Variants in SWAP70 observed in about 807,000 individuals in gnomAD.
SWAP70 encodes switching B cell complex subunit SWAP70, also known as switch-associated protein 70.
SWAP70 carries 34 observed loss-of-function variants against 80.2 expected under a neutral mutation model. That is an observed-to-expected ratio of 0.42 (90% CI 0.32 to 0.56). The LOEUF is 0.56. Ranked by LOEUF, SWAP70 falls within the 20% of genes least tolerant of loss-of-function variation. The pLI is 0.09. For missense variants in SWAP70, 578 were observed against 690.7 expected, an observed-to-expected ratio of 0.84 and a Z score of 1.83; for synonymous variants, 239 against 238.5, an observed-to-expected ratio of 1.00 and a Z score of -0.02.
chr11:9,723,930 C>T (rs1851173600), intron 3 of SWAP70, among the ~76,000 whole-genome samples: 1 of 152,104 alleles, frequency 6.6e-6, no homozygotes, highest in African/African-American at 2.4e-5. Flanking sequence ...GCGCCACATG[C>T]CTGGCTAACT....
At chr11:9,676,386 T>C (rs921130430) in intron 1 of SWAP70, among the ~76,000 whole-genome samples, 4 of 152,204 alleles carry the variant, frequency 2.6e-5, no homozygotes, top group Non-Finnish European at 5.9e-5. Context: ...CTTTTGTTTG[T>C]ACAGTTTGTC....
rs116211882 is a variant in SWAP70, at chr11:9,732,887, T to C, written c.1080+177T>C. Among the ~76,000 whole-genome samples the C allele has an allele frequency of 1.6e-3, 249 of 152,338 alleles. 2 individuals carry two copies. The highest frequency in any genetic ancestry group is 5.6e-3 in the African/African-American group (231 of 41,580). ...ATCAAGTGAGACATACTGGTTTTCC[T>C]AGCCCTGAAACTATGTTGATCTCGG... is the stretch of plus-strand genomic sequence containing the variant. On this transcript the variant is annotated intron_variant, in intron 7 of 11. Transcript: ENST00000318950.
In SWAP70 at chr11:9,748,060, A is replaced by G. The variant is rs745805660; in HGVS notation, c.1554+4A>G. 2.5e-6 allele frequency: 4 copies of G among 1,613,386 alleles called. No homozygotes were observed. The highest frequency in any genetic ancestry group is 1.1e-5 in the South Asian group (1 of 91,028). Reference sequence around the variant, plus strand: ...GCAAGCACTTGAGCAGTACGAGGTAATGAGACTTGGCCCTGCAAACTTGTA... The same window carrying G: ...GCAAGCACTTGAGCAGTACGAGGTAGTGAGACTTGGCCCTGCAAACTTGTA... On this transcript the variant is annotated splice_donor_region_variant and intron_variant, in intron 10 of 11. Coordinates refer to ENST00000318950, the MANE Select transcript of SWAP70 (RefSeq NM_015055.4).
intron 1 of SWAP70, among the ~76,000 whole-genome samples, chr11:9,667,369 A>G (rs1391888477): frequency 1.3e-5 from 2 of 151,164 alleles, no homozygotes; most frequent in Admixed American, 1.3e-4. Context: ...TCCAGCCTCC[A>G]CCTCCCAAGT....
chr11:9,668,974 ACTCT>A (rs936976039), intron 1 of SWAP70, among the ~76,000 whole-genome samples: 16 of 152,132 alleles, frequency 1.1e-4, no homozygotes, highest in South Asian at 4.2e-4. Context: ...AAGAAGGCAC[ACTCT>A]CTCTCTCCAG....
At chr11:9,729,133 A>AT (rs1208462618) in intron 5 of SWAP70, among the ~76,000 whole-genome samples, 2 of 152,220 alleles carry the variant, frequency 1.3e-5, no homozygotes, top group Non-Finnish European at 2.9e-5. Flanking sequence ...TCAGGTGTTT[A>AT]TAGTTTTACC....
Position 9,676,857 on chromosome 11 carries a change from G to A in SWAP70, c.99+12579G>A, listed in dbSNP as rs539776292. Among the ~76,000 whole-genome samples the A allele has an allele frequency of 1.4e-4, 22 of 152,024 alleles. No homozygotes were observed. The Middle Eastern group carries it at 0.01, about 71-fold the overall frequency. On this transcript the variant is annotated intron_variant, in intron 1 of 11. Transcript: ENST00000318950. Reference sequence around the variant, plus strand: ...TTTAGCAGAGACGGGGTGTCACCATGTTAGGCAGGATGGTCTTGGTCTCCT... The same window carrying A: ...TTTAGCAGAGACGGGGTGTCACCATATTAGGCAGGATGGTCTTGGTCTCCT...
intron 7 of SWAP70, among the ~76,000 whole-genome samples, chr11:9,735,244 C>T (rs1467944623): frequency 6.6e-6 from 1 of 152,136 alleles, no homozygotes; most frequent in Non-Finnish European, 1.5e-5. Flanking sequence ...ATTTGTTAAA[C>T]ACACAAAAGT....
rs758970125 is a variant in SWAP70 at position 9,664,295 on chromosome 11, C to A, written c.99+17C>A. On this transcript the variant is annotated intron_variant, in intron 1 of 11. Transcript: ENST00000318950. Reference sequence around the variant, plus strand: ...CAGCTCAAGGTGGGCGCCTCCTGACCCGGCCCCCCACCCGACCCTCCCCGG... The same window carrying A: ...CAGCTCAAGGTGGGCGCCTCCTGACACGGCCCCCCACCCGACCCTCCCCGG... 6 of 1,551,552 alleles carry A rather than the reference C, an allele frequency of 3.9e-6. No homozygotes were observed. Among genetic ancestry groups the A allele is most frequent in the Non-Finnish European group, 8.7e-7 (1 of 1,148,514 alleles).
At chr11:9,701,397 C>T (rs1390000579) in intron 2 of SWAP70, among the ~76,000 whole-genome samples, 1 of 151,946 alleles carries the variant, frequency 6.6e-6, no homozygotes, top group Non-Finnish European at 1.5e-5. Flanking sequence ...GTCTTGAACT[C>T]CTGACCTCAG....
chr11:9,711,328 A>G (rs4910060), intron 2 of SWAP70, among the ~76,000 whole-genome samples: 33,987 of 152,036 alleles, frequency 0.22, 4,908 homozygotes, highest in Non-Finnish European at 0.32. Flanking sequence ...CCTAATGATC[A>G]GTCTTCACCT....
Position 9,750,076 on chromosome 11 carries a change from G to A in SWAP70, c.*106G>A, listed in dbSNP as rs985390061. 95 of 738,818 alleles carry A rather than the reference G, an allele frequency of 1.3e-4. No individual in the cohort carries two copies. Among genetic ancestry groups the A allele is most frequent in the African/African-American group, 2.8e-4 (16 of 56,536 alleles). 45.8% of individuals were successfully genotyped at this position (738,818 alleles called of 1,614,324 possible). ...TTGGGGGCCGGGCGTGGTGGCTCACGCCTGTAATCCCAGCACTTTGGGAGG... is the reference window on the plus strand; with the variant it reads ...TTGGGGGCCGGGCGTGGTGGCTCACACCTGTAATCCCAGCACTTTGGGAGG... On this transcript the variant is annotated 3_prime_UTR_variant, in exon 12 of 12. Transcript: ENST00000318950.
chr11:9,696,761 G>A (rs1365837700), intron 2 of SWAP70, among the ~76,000 whole-genome samples: 1 of 151,896 alleles, frequency 6.6e-6, no homozygotes. Context: ...TCCTCCTTTT[G>A]CCTATTTATA....
chr11:9,693,502 A>C (rs986547624), intron 1 of SWAP70, among the ~76,000 whole-genome samples: 2 of 152,292 alleles, frequency 1.3e-5, no homozygotes, highest in East Asian at 3.9e-4. Flanking sequence ...AATCTAATCC[A>C]GGCCCTTGAT....
At position 9,675,320 on chromosome 11, in the gene SWAP70, C is replaced by CGAGAGAGAGAGA. The variant is rs111414369; in HGVS notation, c.99+11052_99+11063dup. On this transcript the variant is annotated intron_variant, in intron 1 of 11. Transcript: ENST00000318950. ...AAGAAAGAAAGAAACAGAGAGGGAG[C>CGAGAGAGAGAGA]GAGAGAGAGAGAGAGAGAGAGGGAG... 9.2e-3 allele frequency among the ~76,000 whole-genome samples: 289 copies of CGAGAGAGAGAGA among 31,486 alleles called. 60 individuals are homozygous for CGAGAGAGAGAGA. Among genetic ancestry groups the CGAGAGAGAGAGA allele is most frequent in the Non-Finnish European group, 0.019 (186 of 10,000 alleles). The allele number at this position is 31,486 out of a possible 152,430, so 20.7% of individuals were successfully genotyped here.
chr11:9,727,395 A>T (rs1012252163), intron 4 of SWAP70, among the ~76,000 whole-genome samples: 10 of 150,122 alleles, frequency 6.7e-5, no homozygotes, highest in East Asian at 2.0e-4. Context: ...CTAAAAAAAA[A>T]TTTTTTTTTT....
intron 1 of SWAP70, among the ~76,000 whole-genome samples, chr11:9,678,081 A>G (rs1249803615): frequency 6.6e-6 from 1 of 152,238 alleles, no homozygotes; most frequent in Non-Finnish European, 1.5e-5. Flanking sequence ...TATTTGTGGA[A>G]CACAATATAC....
At chr11:9,679,519 A>G (rs1313878417) in intron 1 of SWAP70, among the ~76,000 whole-genome samples, 1 of 152,324 alleles carries the variant, frequency 6.6e-6, no homozygotes, top group South Asian at 2.1e-4. Context: ...CTCCAGTCTC[A>G]GTGATCGTCT....
intron 2 of SWAP70, among the ~76,000 whole-genome samples, chr11:9,705,175 T>TTGGTGATCTGTATACAC (rs71034730): frequency 3.9e-5 from 4 of 101,766 alleles, no homozygotes; most frequent in Admixed American, 9.0e-5. Context: ...ATGTATATAC[T>TTGGTGATCTGTATACAC]TGGTGATCTG....
Sources: gnomAD v4.1 joint callset for allele counts (sites outside exome capture counted in the v4.1 genomes callset) on GRCh38, gnomAD v4.1.1 for gene constraint, MANE v1.5 for transcripts, NCBI Gene and HGNC (gene_info 2026-07-23, HGNC 2026-07-21) for gene names.